SDK1: variants seen among roughly 807,000 people sequenced by gnomAD.
SDK1 encodes the protein protein sidekick-1.
Under a neutral mutation model 245.5 loss-of-function variants are expected in SDK1, and 157 were observed. The ratio of observed to expected loss-of-function variants is 0.64; its 90% CI spans 0.56 to 0.73. SDK1 has a LOEUF of 0.73. SDK1 is among the 30% of genes least tolerant of loss of function. The probability of loss-of-function intolerance (pLI) is 0.00; values close to 1 mark genes in which losing one functional copy is unlikely to be tolerated. For missense variants in SDK1, 3,583 were observed against 3,002.3 expected (o/e 1.19, Z -4.52); for synonymous variants, 1,647 against 1,278.5 (o/e 1.29, Z -6.15).
At chr7:3,467,824 TC>T (rs1369131629) in intron 1 of SDK1, among the ~76,000 whole-genome samples, 1 of 152,140 alleles carries the variant, frequency 6.6e-6, no homozygotes, top group Admixed American at 6.5e-5. Context: ...TTAGTCTTTT[TC>T]CCTTAGCATT....
chr7:3,531,682 A>G (rs575088381), intron 1 of SDK1, among the ~76,000 whole-genome samples: 2 of 152,176 alleles, frequency 1.3e-5, no homozygotes, highest in Non-Finnish European at 2.9e-5. Context: ...TCCATTATCT[A>G]TTTTTGTCGC....
intron 1 of SDK1, among the ~76,000 whole-genome samples, chr7:3,567,023 A>G (rs1243473859): frequency 6.6e-6 from 1 of 152,192 alleles, no homozygotes; most frequent in East Asian, 1.9e-4. Context: ...AGGCCCAGAA[A>G]TACTGATCCC....
chr7:3,993,043 A>G lies in SDK1; in HGVS notation c.2131+5721A>G, dbSNP rs941261997. Among the ~76,000 whole-genome samples the G allele has an allele frequency of 3.3e-5, 5 of 152,326 alleles. No homozygotes were observed. The East Asian group carries it at 7.7e-4, about 24-fold the overall frequency. On this transcript the variant is annotated intron_variant, in intron 14 of 44. Transcript: ENST00000404826. ...AAACGTCTTACTGGTTCCCTCATAA[A>G]TTAATGACAACTAAAATCTTTGATA... is the stretch of plus-strand genomic sequence containing the variant.
intron 1 of SDK1, among the ~76,000 whole-genome samples, chr7:3,389,385 A>T (rs1414605311): frequency 1.3e-5 from 2 of 152,198 alleles, no homozygotes; most frequent in Non-Finnish European, 2.9e-5. Context: ...ACTACGAGAC[A>T]TAAACAGAGC....
At chr7:4,256,732 G>A (rs901046011) in intron 44 of SDK1, among the ~76,000 whole-genome samples, 6 of 152,190 alleles carry the variant, frequency 3.9e-5, no homozygotes, top group African/African-American at 1.4e-4. Flanking sequence ...GTGGACAGAG[G>A]CAGGCTTCTG....
intron 1 of SDK1, among the ~76,000 whole-genome samples, chr7:3,420,494 C>T (rs555453310): frequency 2.6e-5 from 4 of 152,228 alleles, no homozygotes; most frequent in Non-Finnish European, 5.9e-5. Flanking sequence ...TAATGAACTC[C>T]TCCTGCCCAT....
At chr7:3,656,460 G>T (rs185392135) in intron 4 of SDK1, among the ~76,000 whole-genome samples, 52 of 152,294 alleles carry the variant, frequency 3.4e-4, no homozygotes, top group African/African-American at 1.3e-3. Flanking sequence ...CACTCCCGAA[G>T]TGCAAAATTC....
At chr7:3,851,168 T>C (rs1316503858) in intron 5 of SDK1, among the ~76,000 whole-genome samples, 1 of 152,232 alleles carries the variant, frequency 6.6e-6, no homozygotes, top group East Asian at 1.9e-4. Flanking sequence ...AATTATCATT[T>C]TATTAAAATT....
intron 1 of SDK1, among the ~76,000 whole-genome samples, chr7:3,357,809 A>T (rs1252414985): frequency 6.6e-6 from 1 of 152,088 alleles, no homozygotes; most frequent in East Asian, 1.9e-4. Flanking sequence ...TAAACTCTGA[A>T]CTTTCTTTGC....
intron 1 of SDK1, among the ~76,000 whole-genome samples, chr7:3,617,868 G>C (rs1020118414): frequency 1.3e-5 from 2 of 152,124 alleles, no homozygotes; most frequent in African/African-American, 2.4e-5. Flanking sequence ...TTTTGGAGGG[G>C]ACATTCAGAC....
intron 5 of SDK1, among the ~76,000 whole-genome samples, chr7:3,940,013 A>T (rs369540688): frequency 1.3e-5 from 2 of 152,292 alleles, no homozygotes; most frequent in African/African-American, 4.8e-5. Flanking sequence ...GCCAGGAAAG[A>T]CTCACCAGTT....
intron 1 of SDK1, among the ~76,000 whole-genome samples, chr7:3,597,271 CAAAAA>C (rs59830553): frequency 5.6e-5 from 5 of 89,468 alleles, no homozygotes; most frequent in South Asian, 3.7e-4. Flanking sequence ...GACTTGGTCT[CAAAAA>C]AAAAAAAAAA....
chr7:3,412,069 A>G (rs1211617781), intron 1 of SDK1, among the ~76,000 whole-genome samples: 3 of 152,166 alleles, frequency 2.0e-5, no homozygotes, highest in Non-Finnish European at 4.4e-5. Flanking sequence ...GGAGAGAAAG[A>G]AGGCGTGTTT....
rs28688526 is a variant in SDK1, at chr7:3,864,180, G to A, written c.847+42597G>A. 3.3e-4 allele frequency among the ~76,000 whole-genome samples: 51 copies of A among 152,244 alleles called. 1 individual carries two copies. The highest frequency in any genetic ancestry group is 1.2e-3 in the African/African-American group (50 of 41,548). ...TAGGCTGGTCTATTTTTCATTCACT[G>A]TGCCTGGAACTGGCTCACTTCTAAT... is the stretch of plus-strand genomic sequence containing the variant. On this transcript the variant is annotated intron_variant, in intron 5 of 44. Transcript: ENST00000404826.
At chr7:4,137,170 C>G (rs566655961) in intron 28 of SDK1, among the ~76,000 whole-genome samples, 1 of 152,344 alleles carries the variant, frequency 6.6e-6, no homozygotes, top group East Asian at 1.9e-4. Context: ...TGGCACACAC[C>G]TGTAATCCCA....
intron 25 of SDK1, among the ~76,000 whole-genome samples, chr7:4,114,976 C>G (rs1204175605): frequency 1.3e-5 from 2 of 152,216 alleles, no homozygotes; most frequent in Admixed American, 1.3e-4. Flanking sequence ...TTTGGCCAAC[C>G]TTGAGCAGAC....
chr7:4,131,242 G>A (rs1784794637), intron 27 of SDK1, among the ~76,000 whole-genome samples: 2 of 152,200 alleles, frequency 1.3e-5, no homozygotes, highest in South Asian at 4.1e-4. Context: ...GTGAGTCCTG[G>A]AATGCCGCTG....
chr7:3,850,044 C>A (rs1780379145), intron 5 of SDK1, among the ~76,000 whole-genome samples: 1 of 152,212 alleles, frequency 6.6e-6, no homozygotes, highest in African/African-American at 2.4e-5. Flanking sequence ...AGTTATGTAA[C>A]ATCAGTCAAA....
chr7:3,584,043 G>A (rs1370700981), intron 1 of SDK1, among the ~76,000 whole-genome samples: 1 of 152,148 alleles, frequency 6.6e-6, no homozygotes, highest in Non-Finnish European at 1.5e-5. Flanking sequence ...AGGTGCCAGG[G>A]AGAAGTGTTT....
Sources: allele counts gnomAD v4.1 joint callset (sites outside exome capture counted in the v4.1 genomes callset), GRCh38; gene constraint gnomAD v4.1.1; transcripts MANE v1.5; gene names NCBI Gene and HGNC (gene_info 2026-07-23, HGNC 2026-07-21).